ADGRL3: variants seen among roughly 807,000 people sequenced by gnomAD.
ADGRL3 encodes adhesion G protein-coupled receptor L3, also known as calcium-independent alpha-latrotoxin receptor 3.
A neutral mutation model predicts 153.5 loss-of-function variants in ADGRL3; 62 were observed. The observed-to-expected ratio is 0.40, with a 90% CI of 0.33 to 0.50. The LOEUF is 0.50. Ranked by LOEUF, ADGRL3 falls within the 20% of genes least tolerant of loss-of-function variation. The pLI is 0.47. For synonymous variants in ADGRL3, 710 were observed against 672.5 expected, an observed-to-expected ratio of 1.06 and a Z score of -0.86; for missense variants, 1,641 against 1,859.4, an observed-to-expected ratio of 0.88 and a Z score of 2.16.
At chr4:61,589,161 A>T (rs1179491072) in intron 5 of ADGRL3, among the ~76,000 whole-genome samples, 1 of 152,078 alleles carries the variant, frequency 6.6e-6, no homozygotes, top group Non-Finnish European at 1.5e-5. Flanking sequence ...TACTTTAAGC[A>T]CCGTTAGTAA....
intron 2 of ADGRL3, among the ~76,000 whole-genome samples, chr4:61,448,692 A>G (rs1010469143): frequency 7.7e-6 from 1 of 130,506 alleles, no homozygotes; most frequent in African/African-American, 2.7e-5. Context: ...CAGTAGAAGG[A>G]TAGGAACGAA....
chr4:62,054,552 C>A (rs1735973715), intron 25 of ADGRL3, among the ~76,000 whole-genome samples: 2 of 151,292 alleles, frequency 1.3e-5, no homozygotes, highest in African/African-American at 4.8e-5. Context: ...AAATATAAAA[C>A]CTTAAAACTT....
In ADGRL3 at chr4:61,405,740, C is replaced by T. The variant is rs561744308; in HGVS notation, c.-174+22551C>T. Reference sequence around the variant, plus strand: ...TTTGCCAAATTCTTATGTTGAGAAGCTTTTTTTGTATTAAATGCAAAACAT... The same window carrying T: ...TTTGCCAAATTCTTATGTTGAGAAGTTTTTTTTGTATTAAATGCAAAACAT... On this transcript the variant is annotated intron_variant, in intron 2 of 26. Coordinates refer to ENST00000683033, the MANE Select transcript of ADGRL3 (RefSeq NM_001387552.1). Among the ~76,000 whole-genome samples the T allele has an allele frequency of 1.5e-4, 23 of 151,898 alleles. No homozygotes were observed. The South Asian group carries it at 2.5e-3, about 16-fold the overall frequency.
Position 61,747,485 on chromosome 4 carries a change from G to A in ADGRL3, c.1399+13931G>A, listed in dbSNP as rs560798313. Among the ~76,000 whole-genome samples the A allele has an allele frequency of 2.3e-3, 339 of 147,776 alleles. 2 individuals carry two copies. The highest frequency in any genetic ancestry group is 3.0e-3 in the Non-Finnish European group (204 of 67,314). ...AAAATACTGGCAAACCAAATCCAGCGGCACATCAAAAAGCTTATCCACCAT... is the reference window on the plus strand; with the variant it reads ...AAAATACTGGCAAACCAAATCCAGCAGCACATCAAAAAGCTTATCCACCAT... On this transcript the variant is annotated intron_variant, in intron 8 of 26. Transcript: ENST00000683033.
At chr4:61,620,875 G>A (rs2092458434) in intron 5 of ADGRL3, among the ~76,000 whole-genome samples, 2 of 151,720 alleles carry the variant, frequency 1.3e-5, no homozygotes, top group Admixed American at 1.3e-4. Context: ...TCCTGACCTC[G>A]TGATCCACCC....
intron 23 of ADGRL3, among the ~76,000 whole-genome samples, chr4:62,032,336 A>C (rs12499940): frequency 6.6e-6 from 1 of 151,260 alleles, no homozygotes; most frequent in Non-Finnish European, 1.5e-5. Context: ...TTTTTTTAAA[A>C]TCCCCAGATT....
intron 5 of ADGRL3, among the ~76,000 whole-genome samples, chr4:61,610,358 C>A (rs2099048295): frequency 6.6e-6 from 1 of 151,922 alleles, no homozygotes; most frequent in Admixed American, 6.6e-5. Context: ...CAAGAATTAC[C>A]CAGGGGTATG....
intron 1 of ADGRL3, among the ~76,000 whole-genome samples, chr4:61,382,528 A>T (rs190596005): frequency 6.6e-6 from 1 of 151,846 alleles, no homozygotes; most frequent in East Asian, 1.9e-4. Flanking sequence ...AGAAAATAAA[A>T]ACTCAAATGC....
chr4:61,432,610 C>CTT (rs1560622911), intron 2 of ADGRL3, among the ~76,000 whole-genome samples: 3 of 67,832 alleles, frequency 4.4e-5, no homozygotes, highest in Admixed American at 1.6e-4. Flanking sequence ...TTCTTTCTTT[C>CTT]TTTCTTTCTT....
intron 8 of ADGRL3, among the ~76,000 whole-genome samples, chr4:61,783,872 C>T (rs1401789448): frequency 6.6e-6 from 1 of 151,978 alleles, no homozygotes; most frequent in Non-Finnish European, 1.5e-5. Context: ...TCTCATATGA[C>T]ACTCCTAGAA....
chr4:61,537,555 G>C (rs911487860), intron 4 of ADGRL3, among the ~76,000 whole-genome samples: 3 of 151,744 alleles, frequency 2.0e-5, no homozygotes, highest in African/African-American at 7.3e-5. Flanking sequence ...TTTCTCAAAG[G>C]CTTTGTTCAT....
intron 4 of ADGRL3, among the ~76,000 whole-genome samples, chr4:61,548,175 A>G (rs1426909351): frequency 1.3e-5 from 2 of 152,046 alleles, no homozygotes; most frequent in Non-Finnish European, 2.9e-5. Context: ...TACATTCTGA[A>G]TATTAGACCT....
chr4:61,826,287 G>C (rs1005393400), intron 9 of ADGRL3, among the ~76,000 whole-genome samples: 7 of 152,130 alleles, frequency 4.6e-5, no homozygotes, highest in Admixed American at 3.3e-4. Context: ...GTTGAATAGT[G>C]TGTTCAAAGG....
At chr4:61,783,389 G>T (rs570299486) in intron 8 of ADGRL3, among the ~76,000 whole-genome samples, 1 of 152,172 alleles carries the variant, frequency 6.6e-6, no homozygotes, top group South Asian at 2.1e-4. Context: ...TGAAAAAAGG[G>T]TGTTTTCCCT....
At chr4:61,611,205 C>T (rs1239809714) in intron 5 of ADGRL3, among the ~76,000 whole-genome samples, 1 of 152,048 alleles carries the variant, frequency 6.6e-6, no homozygotes, top group African/African-American at 2.4e-5. Flanking sequence ...CTGCATCCAG[C>T]CTATGGGGCA....
intron 9 of ADGRL3, among the ~76,000 whole-genome samples, chr4:61,835,729 G>A (rs1454635544): frequency 2.0e-5 from 3 of 151,780 alleles, no homozygotes; most frequent in Non-Finnish European, 4.4e-5. Context: ...TCCATGGGGG[G>A]AAAAAACCTC....
intron 21 of ADGRL3, among the ~76,000 whole-genome samples, chr4:61,998,544 C>T (rs938028476): frequency 1.3e-5 from 2 of 150,904 alleles, no homozygotes; most frequent in African/African-American, 2.4e-5. Flanking sequence ...ACAAGCACAA[C>T]GTTTCCATTT....
intron 1 of ADGRL3, among the ~76,000 whole-genome samples, chr4:61,368,006 T>G (rs1429474536): frequency 6.6e-6 from 1 of 151,576 alleles, no homozygotes; most frequent in Non-Finnish European, 1.5e-5. Context: ...GAGCATTTTT[T>G]CATGTGTTTT....
At chr4:61,284,445 C>T (rs934644373) in intron 1 of ADGRL3, among the ~76,000 whole-genome samples, 1 of 151,782 alleles carries the variant, frequency 6.6e-6, no homozygotes, top group Non-Finnish European at 1.5e-5. Context: ...TTATAATTGC[C>T]TGATCTAACC....
Sources: allele counts gnomAD v4.1 joint callset (sites outside exome capture counted in the v4.1 genomes callset), GRCh38; gene constraint gnomAD v4.1.1; transcripts MANE v1.5; gene names NCBI Gene and HGNC (gene_info 2026-07-23, HGNC 2026-07-21).